RNF213: variants seen among roughly 807,000 people sequenced by gnomAD.
RNF213 encodes the protein E3 ubiquitin-protein ligase RNF213.
RNF213 carries 341 observed loss-of-function variants against 514.4 expected under a neutral mutation model. That is an observed-to-expected ratio of 0.66 (90% CI 0.61 to 0.73). The LOEUF (loss-of-function observed/expected upper bound fraction) is 0.73. Ranked by LOEUF, RNF213 falls within the 30% of genes least tolerant of loss-of-function variation. The pLI is 0.00. For missense variants in RNF213, 5,767 were observed against 6,615.6 expected (o/e 0.87, Z 4.45); for synonymous variants, 2,655 against 2,658.2 (o/e 1.00, Z 0.04).
At chr17:80,362,059 C>G (rs936925558) in intron 39 of RNF213, among the ~76,000 whole-genome samples, 171 bp downstream of exon 39, 1 of 152,164 alleles carries the variant, frequency 6.6e-6, no homozygotes, top group South Asian at 2.1e-4. Flanking sequence ...AGTCTCCTCT[C>G]AATATTCAGT....
chr17:80,365,625 C>T (rs1015003300), intron 42 of RNF213, among the ~76,000 whole-genome samples: 1 of 152,042 alleles, frequency 6.6e-6, no homozygotes, highest in Non-Finnish European at 1.5e-5. Context: ...TATCTGGTTG[C>T]AAGAAACTGA....
At position 80,343,607 on chromosome 17, in the gene RNF213, G is replaced by A. The variant is rs2078224306; in HGVS notation, c.6184-250G>A. 6.6e-6 allele frequency among the ~76,000 whole-genome samples: 1 copy of A among 152,174 alleles called. No homozygotes were observed. Among genetic ancestry groups the A allele is most frequent in the African/African-American group, 2.4e-5 (1 of 41,434 alleles). On this transcript the variant is annotated intron_variant, in intron 27 of 67. Coordinates refer to ENST00000582970, the MANE Select transcript of RNF213 (RefSeq NM_001256071.3). This position sits in a 1 kb window ranked among gnomAD's most constrained non-coding sequence, Gnocchi z 4.3. The stretch of plus-strand genomic sequence containing the variant: ...TAGGCCGCAAACCTGTGCTGCATAT[G>A]GCTGTTCTGAATCCTGGAGCCAATT...
At position 80,393,035 on chromosome 17, in the gene RNF213, T is replaced by C. The variant is rs147977147; in HGVS notation, c.15471-310T>C. On this transcript the variant is annotated intron_variant, in intron 67 of 67. Coordinates refer to ENST00000582970, the MANE Select transcript of RNF213 (RefSeq NM_001256071.3). ...CACTGTGGCCCAGGCTGGAGTGCAG[T>C]TGTGCAATCTCAGCTCGCTGTAGCC... Among the ~76,000 whole-genome samples the C allele has an allele frequency of 7.8e-4, 118 of 152,246 alleles. No homozygotes were observed. In the East Asian group the frequency reaches 0.019, roughly 24 times the overall value.
chr17:80,333,112 G>A (rs1445324699), intron 21 of RNF213, among the ~76,000 whole-genome samples: 4 of 151,336 alleles, frequency 2.6e-5, no homozygotes, highest in African/African-American at 9.7e-5. Flanking sequence ...GCAGTGGCGC[G>A]ATCTTGGCTC....
At chr17:80,382,188 T>TAAAAAAA (rs35569924) in intron 57 of RNF213, 1 of 153,990 alleles carries the variant, frequency 6.5e-6, no homozygotes, top group African/African-American at 2.5e-5. Context: ...ACAGTTATGT[T>TAAAAAAA]AAAAAAAAAA....
intron 11 of RNF213, among the ~76,000 whole-genome samples, chr17:80,305,614 TTCC>T (rs2045330701): frequency 1.5e-5 from 2 of 135,318 alleles, no homozygotes; most frequent in South Asian, 4.4e-4. Flanking sequence ...CCTTTTTTCT[TTCC>T]TTTTTTTTTT....
In RNF213 at chr17:80,328,427, GT is replaced by G; in HGVS notation, c.3468del (p.Cys1156TrpfsTer6). 2.0e-6 allele frequency: 3 copies of G among 1,537,252 alleles called. No individual in the cohort carries two copies. Among genetic ancestry groups the G allele is most frequent in the Non-Finnish European group, 2.6e-6 (3 of 1,146,904 alleles). On this transcript the variant is annotated frameshift_variant, in exon 20 of 68. Coordinates refer to ENST00000582970, the MANE Select transcript of RNF213 (RefSeq NM_001256071.3). LOFTEE classifies it high-confidence loss of function. ...ELLLLKKEKR[C>X]VDSLLKMCGN... ...TTACTTCTAAAGAAAGAGAAAAGAT[GT>G]GTTGATAGTCTCCTGAAGATGTGTG...
intron 22 of RNF213, among the ~76,000 whole-genome samples, 190 bp from the exon 23 acceptor site, chr17:80,335,971 T>C (rs554275006): frequency 3.9e-5 from 4 of 102,506 alleles, no homozygotes; most frequent in African/African-American, 1.2e-4. Flanking sequence ...AGTGAGACTC[T>C]GTCTCAAAAA....
chr17:80,305,673 G>A (rs1350648256), intron 11 of RNF213, among the ~76,000 whole-genome samples: 8 of 150,074 alleles, frequency 5.3e-5, no homozygotes, highest in Non-Finnish European at 1.2e-4. Context: ...GTGCAGTGGC[G>A]TGATCTCGGC....
intron 42 of RNF213, 36 bp from the exon 43 acceptor site, chr17:80,367,712 C>G (rs1489955882): frequency 6.4e-7 from 1 of 1,573,446 alleles, no homozygotes; most frequent in African/African-American, 1.3e-5. Flanking sequence ...TCAGCCCTCC[C>G]CCCTGCTAAT....
chr17:80,289,922 C>G, intron 6 of RNF213, 85 bp downstream of exon 6: 1 of 1,401,830 alleles, frequency 7.1e-7, no homozygotes, highest in East Asian at 2.5e-5. Context: ...CAGGGGATAT[C>G]CAGGCTGCCC....
Position 80,345,202 on chromosome 17 carries a change from A to G in RNF213, c.6867A>G (p.Leu2289=), listed in dbSNP as rs762539790. The change falls in exon 29 of 68, where the codon CTA becomes CTG. Residue 2289 remains leucine, a synonymous_variant. Coordinates refer to ENST00000582970, the MANE Select transcript of RNF213 (RefSeq NM_001256071.3). The surrounding 1 kb of genome is among the most constrained non-coding windows in gnomAD (Gnocchi z 6.0). ...VTMDGVREED[L]APFSLRKRWE... ...TGGATGGGGTTAGGGAAGAAGATCTAGCGCCCTTCTCCCTCCGGAAGAGGT... is the reference window on the plus strand; with the variant it reads ...TGGATGGGGTTAGGGAAGAAGATCTGGCGCCCTTCTCCCTCCGGAAGAGGT... The G allele has an allele frequency of 1.2e-6, 2 of 1,614,120 alleles. No individual in the cohort carries two copies. The highest frequency in any genetic ancestry group is 1.7e-6 in the Non-Finnish European group (2 of 1,179,986).
chr17:80,305,976 T>C (rs1207941058), intron 11 of RNF213, among the ~76,000 whole-genome samples: 3 of 152,080 alleles, frequency 2.0e-5, no homozygotes, highest in African/African-American at 7.2e-5. Context: ...CTGCATATTT[T>C]TGTTTTCCAC....
rs376399365 is a variant in RNF213, at chr17:80,381,745, G to A, written c.13978+18G>A. ...TAGCAGAAGTGAGGAAAGGGGCAAG[G>A]GCTGGGCGGGGATCACACAGCACAA... On this transcript the variant is annotated intron_variant, in intron 57 of 67. Coordinates refer to ENST00000582970, the MANE Select transcript of RNF213 (RefSeq NM_001256071.3). 14 of 1,607,744 alleles carry A rather than the reference G, an allele frequency of 8.7e-6. No homozygotes were observed. The highest frequency in any genetic ancestry group is 1.3e-5 in the African/African-American group (1 of 74,864).
In RNF213 at chr17:80,291,665, G is replaced by C; in HGVS notation, c.1309G>C (p.Val437Leu). The change falls in exon 8 of 68, where the codon GTC becomes CTC. Residue 437 changes from valine (V) to leucine (L), a missense_variant. Coordinates refer to ENST00000582970, the MANE Select transcript of RNF213 (RefSeq NM_001256071.3). ...TGACCGCGTTCTTGTTGAAGGCATTGTCTGCATTTCCAAGAAGCACCTAGA... is the reference window on the plus strand; with the variant it reads ...TGACCGCGTTCTTGTTGAAGGCATTCTCTGCATTTCCAAGAAGCACCTAGA... ...GHDRVLVEGIVCISKKHLDKY... is the reference protein window; with the variant it reads ...GHDRVLVEGILCISKKHLDKY... The C allele has an allele frequency of 6.2e-7, 1 of 1,614,212 alleles. No individual in the cohort carries two copies. Among genetic ancestry groups the C allele is most frequent in the Non-Finnish European group, 8.5e-7 (1 of 1,180,056 alleles).
chr17:80,286,543 C>G (rs547778696), intron 3 of RNF213, among the ~76,000 whole-genome samples: 1 of 152,058 alleles, frequency 6.6e-6, no homozygotes, highest in African/African-American at 2.4e-5. Flanking sequence ...GACCGTCAGC[C>G]GAGGGGCTCC....
chr17:80,381,871 G>A, intron 57 of RNF213, 144 bp downstream of exon 57: 2 of 830,290 alleles, frequency 2.4e-6, no homozygotes, highest in Admixed American at 4.4e-5. Context: ...AACACACAGA[G>A]AGAAAACCGT....
intron 18 of RNF213, among the ~76,000 whole-genome samples, chr17:80,325,728 G>A (rs1337397234): frequency 1.3e-5 from 2 of 151,836 alleles, no homozygotes; most frequent in African/African-American, 4.8e-5. Flanking sequence ...GAGAGAGAGA[G>A]ACATTCCATC....
At chr17:80,316,392 G>C (rs1416413227) in intron 15 of RNF213, 1 of 152,274 alleles carries the variant, frequency 6.6e-6, no homozygotes, top group Non-Finnish European at 1.5e-5. Context: ...CAGTTGGCCT[G>C]AACTTTTCAA....
Sources: gnomAD v4.1 joint callset for allele counts (sites outside exome capture counted in the v4.1 genomes callset) on GRCh38, gnomAD v4.1.1 for gene constraint, Gnocchi (gnomAD v3.1) non-coding constraint, MANE v1.5 for transcripts, NCBI Gene and HGNC (gene_info 2026-07-23, HGNC 2026-07-21) for gene names.